The following ARMH4 variants were observed in gnomAD, a reference collection of about 807,000 sequenced individuals.
ARMH4 encodes the protein armadillo-like helical domain-containing protein 4.
A neutral mutation model predicts 61.9 loss-of-function variants in ARMH4; 49 were observed. The ratio of observed to expected loss-of-function variants is 0.79; its 90% CI spans 0.63 to 1.00. ARMH4 has a LOEUF of 1.00. Ranked by LOEUF, ARMH4 falls within the 50% of genes least tolerant of loss-of-function variation. ARMH4 has a pLI of 0.00. For synonymous variants in ARMH4, 368 were observed against 341.5 expected (o/e 1.08, Z -0.85); for missense variants, 934 against 930.0 (o/e 1.00, Z -0.06).
rs192545545 is a variant in ARMH4 at position 58,144,864 on chromosome 14, T to C, written c.-56-5450A>G. ...GCCTGGGTGGCAGAACAAGACTCCATCTCAAAAAAAAACAAACAAAAAAAA... is the reference window on the plus strand; with the variant it reads ...GCCTGGGTGGCAGAACAAGACTCCACCTCAAAAAAAAACAAACAAAAAAAA... On this transcript the variant is annotated intron_variant, in intron 1 of 7. Transcript: ENST00000267485. Among the ~76,000 whole-genome samples the C allele has an allele frequency of 1.3e-3, 197 of 151,448 alleles. 2 individuals carry two copies. Among genetic ancestry groups the C allele is most frequent in the Middle Eastern group, 6.8e-3 (2 of 294 alleles).
chr14:58,130,603 T>C (rs1321912435), intron 4 of ARMH4, among the ~76,000 whole-genome samples: 1 of 142,206 alleles, frequency 7.0e-6, no homozygotes, highest in Non-Finnish European at 1.6e-5. Flanking sequence ...ATGTGTCATA[T>C]TTCTAGTCTT....
At chr14:58,025,814 G>A (rs779594566) in intron 5 of ARMH4, among the ~76,000 whole-genome samples, 2 of 151,936 alleles carry the variant, frequency 1.3e-5, no homozygotes, top group African/African-American at 2.4e-5. Context: ...TGCTCTTCAC[G>A]TAATTACAGA....
chr14:58,149,918 T>C lies in ARMH4; in HGVS notation c.-57+2157A>G, dbSNP rs557655259. ...TGTCAAATACAGAAATGTGAGCAAT[T>C]TGGAGCATCTGTAACATCAGCCACA... On this transcript the variant is annotated intron_variant, in intron 1 of 7. Transcript: ENST00000267485. Among the ~76,000 whole-genome samples the C allele has an allele frequency of 1.7e-3, 262 of 152,318 alleles. 3 individuals carry two copies. The highest frequency in any genetic ancestry group is 3.3e-3 in the Non-Finnish European group (225 of 68,034).
At chr14:58,110,704 T>C (rs182016155) in intron 4 of ARMH4, among the ~76,000 whole-genome samples, 14 of 152,250 alleles carry the variant, frequency 9.2e-5, no homozygotes, top group Non-Finnish European at 1.6e-4. Flanking sequence ...TGATATCAAT[T>C]CTTTAAAATT....
At chr14:58,078,357 C>T (rs1885114854) in intron 5 of ARMH4, among the ~76,000 whole-genome samples, 2 of 152,308 alleles carry the variant, frequency 1.3e-5, no homozygotes, top group African/African-American at 4.8e-5. Context: ...TTTACCCTCT[C>T]ATCCAATGCA....
At chr14:58,151,039 G>A (rs1566607325) in intron 1 of ARMH4, among the ~76,000 whole-genome samples, 1 of 152,158 alleles carries the variant, frequency 6.6e-6, no homozygotes, top group African/African-American at 2.4e-5. Flanking sequence ...CTTTGGAGAA[G>A]AGATCCTTCA....
chr14:58,120,320 T>C (rs1886684413), intron 4 of ARMH4, among the ~76,000 whole-genome samples: 1 of 151,864 alleles, frequency 6.6e-6, no homozygotes, highest in South Asian at 2.1e-4. Context: ...TATAAATATA[T>C]ACACAAATCT....
At chr14:58,029,587 T>A (rs1242949547) in intron 5 of ARMH4, among the ~76,000 whole-genome samples, 1 of 151,912 alleles carries the variant, frequency 6.6e-6, no homozygotes, top group African/African-American at 2.4e-5. Flanking sequence ...AAATGGCCAA[T>A]AAAGGCATGA....
At chr14:58,148,171 C>A (rs146485350) in intron 1 of ARMH4, among the ~76,000 whole-genome samples, 1 of 152,112 alleles carries the variant, frequency 6.6e-6, no homozygotes, top group African/African-American at 2.4e-5. Context: ...CTCAGCCTCC[C>A]GAGTAGCTAG....
intron 5 of ARMH4, among the ~76,000 whole-genome samples, chr14:58,057,657 G>T (rs1035504028): frequency 2.6e-5 from 4 of 152,030 alleles, no homozygotes; most frequent in East Asian, 1.9e-4. Flanking sequence ...CAAAATGCTG[G>T]ACTGAGAGAC....
In ARMH4 at chr14:58,138,829, G is replaced by A. The variant is rs931234381; in HGVS notation, c.530C>T (p.Thr177Ile). 1 of 1,614,054 alleles carries A rather than the reference G, an allele frequency of 6.2e-7. No homozygotes were observed. The highest frequency in any genetic ancestry group is 8.5e-7 in the Non-Finnish European group (1 of 1,180,038). Residue 177 changes from threonine to isoleucine, a missense_variant, in exon 2 of 8, where the codon ACA (threonine) becomes ATA (isoleucine). Thr to Ile is a moderately conservative substitution (Grantham distance 89). Transcript: ENST00000267485. ...CTTCAGAAAACCTTTTGTGGTTTCT[G>A]TGATCTCTTCTACAATGGGCTGAAA... ...TNFQPIVEEI[T>I]ETTKGFLKYM...
chr14:58,139,450 A>T (rs747956792), intron 1 of ARMH4, 36 bp from the exon 2 acceptor site: 42 of 1,167,350 alleles, frequency 3.6e-5, no homozygotes, highest in Non-Finnish European at 5.2e-5. Flanking sequence ...CTGTCATATA[A>T]ATACATGTTG....
At chr14:58,010,352 G>T (rs8016398) in intron 6 of ARMH4, among the ~76,000 whole-genome samples, 11,528 of 152,160 alleles carry the variant, frequency 0.076, 533 homozygotes, top group African/African-American at 0.12. Context: ...ATGTACATAT[G>T]TGTGTATATA....
intron 1 of ARMH4, among the ~76,000 whole-genome samples, chr14:58,144,524 G>C (rs1032584153): frequency 6.6e-6 from 1 of 152,122 alleles, no homozygotes; most frequent in South Asian, 2.1e-4. Flanking sequence ...CATTCTGGGC[G>C]ACAGAGAAAA....
intron 7 of ARMH4, 40 bp downstream of exon 7, chr14:58,005,008 T>C (rs919262459): frequency 1.9e-6 from 3 of 1,613,068 alleles, no homozygotes; most frequent in Non-Finnish European, 2.5e-6. Flanking sequence ...GCAAAGAATG[T>C]TCTGAAACTG....
chr14:58,083,638 T>G (rs559969439), intron 5 of ARMH4, among the ~76,000 whole-genome samples: 1 of 152,256 alleles, frequency 6.6e-6, no homozygotes, highest in East Asian at 1.9e-4. Flanking sequence ...CCCTAAGAAT[T>G]ATCTGACTCC....
intron 5 of ARMH4, among the ~76,000 whole-genome samples, chr14:58,014,824 G>A (rs1882545154): frequency 6.6e-6 from 1 of 152,136 alleles, no homozygotes; most frequent in Non-Finnish European, 1.5e-5. Flanking sequence ...AACAGAGGAG[G>A]AAAGCCAGTT....
intron 5 of ARMH4, among the ~76,000 whole-genome samples, chr14:58,029,724 A>AGAGAAGT (rs1300284303): frequency 1.8e-4 from 28 of 152,324 alleles, no homozygotes; most frequent in African/African-American, 5.1e-4. Context: ...GTGAGGATGT[A>AGAGAAGT]GAGAAGTTAG....
intron 4 of ARMH4, among the ~76,000 whole-genome samples, chr14:58,113,809 ATTATAT>A (rs1886428762): frequency 1.3e-5 from 2 of 151,876 alleles, no homozygotes; most frequent in African/African-American, 4.8e-5. Flanking sequence ...TTCCCAAAAA[ATTATAT>A]TTATATTTCT....
Sources: gnomAD v4.1 joint callset for allele counts (sites outside exome capture counted in the v4.1 genomes callset) on GRCh38, gnomAD v4.1.1 for gene constraint, MANE v1.5 for transcripts, NCBI Gene and HGNC (gene_info 2026-07-23, HGNC 2026-07-21) for gene names.